The following PIP5K1B variants were observed in gnomAD, a reference collection of about 807,000 sequenced individuals.
PIP5K1B encodes phosphatidylinositol-4-phosphate 5-kinase type 1 beta, also known as phosphatidylinositol 4-phosphate 5-kinase type-1 beta.
A neutral mutation model predicts 67.0 loss-of-function variants in PIP5K1B; 42 were observed. The ratio of observed to expected loss-of-function variants is 0.63; its 90% CI spans 0.49 to 0.81. PIP5K1B has a LOEUF of 0.81. PIP5K1B is among the 30% of genes least tolerant of loss of function. The pLI is 0.00. For missense variants in PIP5K1B, 459 were observed against 646.3 expected (o/e 0.71, Z 3.14); for synonymous variants, 214 against 231.4 (o/e 0.92, Z 0.68).
At chr9:68,867,161 A>T (rs1823400109) in intron 5 of PIP5K1B, among the ~76,000 whole-genome samples, 1 of 151,484 alleles carries the variant, frequency 6.6e-6, no homozygotes, top group Non-Finnish European at 1.5e-5. Context: ...AAAAAATGGC[A>T]ATACAATATT....
chr9:68,929,426 A>G (rs1826880833), intron 12 of PIP5K1B, among the ~76,000 whole-genome samples: 1 of 152,144 alleles, frequency 6.6e-6, no homozygotes. Flanking sequence ...CATATATCAT[A>G]GAAACAAACC....
rs901492646 is a variant in PIP5K1B, at chr9:68,895,442, G to A, written c.771+804G>A. Among the ~76,000 whole-genome samples, 6 of 152,248 alleles carry A rather than the reference G, an allele frequency of 3.9e-5. No homozygotes were observed. The East Asian group carries it at 1.2e-3, about 29-fold the overall frequency. On this transcript the variant is annotated intron_variant, in intron 8 of 15. Transcript: ENST00000265382. Reference sequence around the variant, plus strand: ...GGTAGTGGAGGTGGGCAGAAAGCATGATGGCACAGGCTGTGGTTTTCTGCA... The same window carrying A: ...GGTAGTGGAGGTGGGCAGAAAGCATAATGGCACAGGCTGTGGTTTTCTGCA...
At chr9:68,744,603 A>C (rs1357831830) in intron 2 of PIP5K1B, among the ~76,000 whole-genome samples, 1 of 152,162 alleles carries the variant, frequency 6.6e-6, no homozygotes, top group Admixed American at 6.5e-5. Flanking sequence ...TTGCTTACTC[A>C]GTAGCTATGA....
chr9:68,864,447 C>T (rs545513228), intron 5 of PIP5K1B, among the ~76,000 whole-genome samples: 433 of 152,290 alleles, frequency 2.8e-3, no homozygotes, highest in Non-Finnish European at 5.1e-3. Flanking sequence ...TAACTTTCCT[C>T]GAGAAAACAT....
At chr9:68,978,946 T>A (rs2132875657) in intron 14 of PIP5K1B, among the ~76,000 whole-genome samples, 1 of 152,338 alleles carries the variant, frequency 6.6e-6, no homozygotes, top group East Asian at 1.9e-4. Flanking sequence ...CCATCTCAAA[T>A]TAATTTCTGT....
chr9:68,820,319 C>T (rs1833672982), intron 3 of PIP5K1B, among the ~76,000 whole-genome samples: 1 of 152,130 alleles, frequency 6.6e-6, no homozygotes, highest in South Asian at 2.1e-4. Context: ...TTCTTTAAGT[C>T]AATTTAAGCT....
intron 6 of PIP5K1B, among the ~76,000 whole-genome samples, chr9:68,877,460 G>T (rs1823953680): frequency 6.6e-6 from 1 of 152,138 alleles, no homozygotes; most frequent in Non-Finnish European, 1.5e-5. Flanking sequence ...AAAATGGTTT[G>T]TTTCATAATT....
intron 4 of PIP5K1B, among the ~76,000 whole-genome samples, chr9:68,837,797 A>AT (rs1423591726): frequency 6.6e-6 from 1 of 151,676 alleles, no homozygotes; most frequent in African/African-American, 2.4e-5. Context: ...ATGTTTTTAC[A>AT]TTTTTTCCCT....
At chr9:68,887,562 T>C (rs1824542263) in intron 6 of PIP5K1B, among the ~76,000 whole-genome samples, 1 of 152,186 alleles carries the variant, frequency 6.6e-6, no homozygotes, top group Non-Finnish European at 1.5e-5. Context: ...CATGCAATGT[T>C]TGTCTTTCTG....
At chr9:68,818,627 A>G (rs918284416) in intron 3 of PIP5K1B, 82 bp downstream of exon 3, 3 of 152,528 alleles carry the variant, frequency 2.0e-5, no homozygotes, top group African/African-American at 7.2e-5. Context: ...AAATATTTTT[A>G]CAAATATTCT....
At chr9:68,870,436 T>A (rs1823575670) in intron 5 of PIP5K1B, among the ~76,000 whole-genome samples, 1 of 152,208 alleles carries the variant, frequency 6.6e-6, no homozygotes, top group African/African-American at 2.4e-5. Flanking sequence ...TGTTTTGCTT[T>A]GTTTTGTTTT....
At chr9:68,899,421 G>A (rs1032804143) in intron 8 of PIP5K1B, among the ~76,000 whole-genome samples, 5 of 151,962 alleles carry the variant, frequency 3.3e-5, no homozygotes, top group African/African-American at 1.2e-4. Context: ...GTGTTTATTG[G>A]AATATGTATT....
intron 15 of PIP5K1B, among the ~76,000 whole-genome samples, chr9:69,003,105 G>A (rs1830897365): frequency 6.6e-6 from 1 of 152,050 alleles, no homozygotes; most frequent in African/African-American, 2.4e-5. Context: ...GCCTTAATAT[G>A]GATTTGTGGT....
intron 14 of PIP5K1B, among the ~76,000 whole-genome samples, chr9:68,942,883 T>C (rs1827632727): frequency 6.6e-6 from 1 of 152,136 alleles, no homozygotes; most frequent in South Asian, 2.1e-4. Context: ...AGAAAGGAAT[T>C]TAATCTAGGG....
chr9:68,822,941 A>C (rs1036131685), intron 4 of PIP5K1B, among the ~76,000 whole-genome samples: 2 of 151,924 alleles, frequency 1.3e-5, no homozygotes, highest in Non-Finnish European at 2.9e-5. Flanking sequence ...CTTCCTGGAC[A>C]CTCCAGGGGA....
chr9:68,771,107 C>G (rs1258157469), intron 2 of PIP5K1B, among the ~76,000 whole-genome samples: 2 of 152,158 alleles, frequency 1.3e-5, no homozygotes, highest in African/African-American at 4.8e-5. Flanking sequence ...CTAGCTCTCT[C>G]GGATGCCTTT....
rs908599745 is a variant in PIP5K1B, at chr9:68,969,346, C to A, written c.1503-21794C>A. Among the ~76,000 whole-genome samples the A allele has an allele frequency of 2.5e-5, 3 of 119,858 alleles. No individual in the cohort carries two copies. The Admixed American group carries it at 3.3e-4, about 13-fold the overall frequency. 78.6% of individuals were successfully genotyped at this position (119,858 alleles called of 152,430 possible). On this transcript the variant is annotated intron_variant, in intron 14 of 15. Coordinates refer to ENST00000265382, the MANE Select transcript of PIP5K1B (RefSeq NM_003558.4). ...TCACGCCACTGCACTCCAGCCTGGG[C>A]AACAGAGCGAGACTCCACCTCAAAA...
intron 8 of PIP5K1B, among the ~76,000 whole-genome samples, chr9:68,898,533 A>G (rs1406444879): frequency 1.3e-5 from 2 of 152,112 alleles, no homozygotes; most frequent in Admixed American, 1.3e-4. Flanking sequence ...ACCATCCCCA[A>G]TGGCTCCCAC....
At chr9:68,801,443 G>T in intron 2 of PIP5K1B, among the ~76,000 whole-genome samples, 1 of 152,182 alleles carries the variant, frequency 6.6e-6, no homozygotes, top group Non-Finnish European at 1.5e-5. Context: ...AGAAAAGAGG[G>T]TACATGTAAT....
Sources: gnomAD v4.1 joint callset for allele counts (sites outside exome capture counted in the v4.1 genomes callset) on GRCh38, gnomAD v4.1.1 for gene constraint, MANE v1.5 for transcripts, NCBI Gene and HGNC (gene_info 2026-07-23, HGNC 2026-07-21) for gene names.